DNAI1: variants seen among roughly 807,000 people sequenced by gnomAD.
The protein encoded by DNAI1 is dynein axonemal intermediate chain 1, also known as dynein, axonemal, intermediate polypeptide 1.
A neutral mutation model predicts 92.0 loss-of-function variants in DNAI1; 67 were observed. That is an observed-to-expected ratio of 0.73 (90% CI 0.60 to 0.89). The LOEUF (loss-of-function observed/expected upper bound fraction) is 0.89. Ranked by LOEUF, DNAI1 falls within the 40% of genes least tolerant of loss-of-function variation. The pLI is 0.00. For missense variants in DNAI1, 839 were observed against 866.6 expected (o/e 0.97, Z 0.40); for synonymous variants, 323 against 319.6 (o/e 1.01, Z -0.11).
intron 12 of DNAI1, among the ~76,000 whole-genome samples, chr9:34,505,907 T>C (rs1824917780): frequency 6.6e-6 from 1 of 152,192 alleles, no homozygotes; most frequent in Admixed American, 6.5e-5. Flanking sequence ...TGTTCATGAC[T>C]ACATATCAGG....
At chr9:34,497,019 C>A in intron 9 of DNAI1, 96 bp from the exon 10 acceptor site, 1 of 925,414 alleles carries the variant, frequency 1.1e-6, no homozygotes, top group Non-Finnish European at 1.8e-6. Flanking sequence ...TGCCAGAGAG[C>A]TACTGCTGAA....
intron 1 of DNAI1, 89 bp downstream of exon 1, chr9:34,459,142 C>T: frequency 7.7e-7 from 1 of 1,298,838 alleles, no homozygotes. Context: ...GATCCTTGAT[C>T]TTTTCTCTGT....
At chr9:34,491,385 C>T in intron 7 of DNAI1, 110 bp from the exon 8 acceptor site, 1 of 1,153,086 alleles carries the variant, frequency 8.7e-7, no homozygotes, top group South Asian at 1.3e-5. Flanking sequence ...GCTCTGTGTC[C>T]CAAACCTCCA....
At chr9:34,468,289 C>T (rs1824074319) in intron 1 of DNAI1, among the ~76,000 whole-genome samples, 1 of 151,738 alleles carries the variant, frequency 6.6e-6, no homozygotes, top group Non-Finnish European at 1.5e-5. Context: ...TCACGCCATT[C>T]TCCTGCCTCA....
intron 18 of DNAI1, among the ~76,000 whole-genome samples, chr9:34,516,216 G>A (rs1825168596): frequency 6.6e-6 from 1 of 152,198 alleles, no homozygotes; most frequent in Admixed American, 6.5e-5. Flanking sequence ...GGCAAGTGTG[G>A]TTGGGGTAGA....
chr9:34,488,347 A>C (rs1453601611), intron 4 of DNAI1: 1 of 156,186 alleles, frequency 6.4e-6, no homozygotes, highest in Non-Finnish European at 1.4e-5. Flanking sequence ...CTTCCCATAC[A>C]TCTGAGTTAC....
chr9:34,496,055 G>C (rs1036381234), intron 9 of DNAI1, among the ~76,000 whole-genome samples: 1 of 152,098 alleles, frequency 6.6e-6, no homozygotes, highest in Non-Finnish European at 1.5e-5. Flanking sequence ...TCACCACCGG[G>C]AACTGGGTTA....
chr9:34,463,203 C>T (rs184312311), intron 1 of DNAI1, among the ~76,000 whole-genome samples: 53 of 152,126 alleles, frequency 3.5e-4, no homozygotes, highest in African/African-American at 1.2e-3. Flanking sequence ...TCCAGACAGA[C>T]GGCATAGCAA....
chr9:34,469,870 G>A (rs543464984), intron 1 of DNAI1, among the ~76,000 whole-genome samples: 1 of 152,252 alleles, frequency 6.6e-6, no homozygotes, highest in Non-Finnish European at 1.5e-5. Flanking sequence ...GTGAGCCACT[G>A]CGCCCAGCCC....
At chr9:34,498,647 T>A (rs1011552590) in intron 10 of DNAI1, among the ~76,000 whole-genome samples, 4 of 152,358 alleles carry the variant, frequency 2.6e-5, no homozygotes, top group Admixed American at 1.3e-4. Context: ...CATTCCCAAG[T>A]GGCTTGTATT....
At chr9:34,508,671 G>A (rs1824990670) in intron 13 of DNAI1, among the ~76,000 whole-genome samples, 2 of 152,116 alleles carry the variant, frequency 1.3e-5, no homozygotes, top group African/African-American at 4.8e-5. Flanking sequence ...CCAAGCAGAA[G>A]GGCAGAGGCC....
intron 13 of DNAI1, among the ~76,000 whole-genome samples, chr9:34,510,222 G>A (rs1708653196): frequency 6.6e-6 from 1 of 152,234 alleles, no homozygotes. Flanking sequence ...GCCAAGGAGA[G>A]GACTGTCTGT....
intron 6 of DNAI1, 21 bp from the exon 7 acceptor site, chr9:34,490,348 C>G (rs1161077333): frequency 2.5e-6 from 4 of 1,614,176 alleles, no homozygotes; most frequent in Middle Eastern, 1.6e-4. Flanking sequence ...GATTCCTGAT[C>G]CTCTGGGTCT....
chr9:34,489,379 G>A lies in DNAI1; in HGVS notation c.318G>A (p.Gln106=). The A allele has an allele frequency of 6.2e-7, 1 of 1,614,060 alleles. No homozygotes were observed. The highest frequency in any genetic ancestry group is 8.5e-7 in the Non-Finnish European group (1 of 1,179,956). The change falls in exon 5 of 20, where the codon CAG becomes CAA. Residue 106 remains glutamine, a synonymous_variant. Transcript: ENST00000242317. ...FVNQLAVHYT[Q]VGNLIPKDSD... ...ACCAACTGGCAGTTCACTACACCCA[G>A]GTTGGGAACCTGATCCCCAAAGACT... is the stretch of plus-strand genomic sequence containing the variant.
Position 34,501,156 on chromosome 9 carries a change from T to G in DNAI1, c.1038T>G (p.Asp346Glu). ...TALCWNPKYR[D>E]LFAVGYGSYD... Reference sequence around the variant, plus strand: ...TTTGCAGGAATCCAAAGTACAGGGATCTGTTTGCAGTGGGATATGGCTCTT... The same window carrying G: ...TTTGCAGGAATCCAAAGTACAGGGAGCTGTTTGCAGTGGGATATGGCTCTT... Residue 346 changes from aspartate to glutamate, a missense_variant, in exon 12 of 20, where the codon GAT becomes GAG. Coordinates refer to ENST00000242317, the MANE Select transcript of DNAI1 (RefSeq NM_012144.4). 6.2e-7 allele frequency: 1 copy of G among 1,613,842 alleles called. No individual in the cohort carries two copies. The highest frequency in any genetic ancestry group is 8.5e-7 in the Non-Finnish European group (1 of 1,179,692).
chr9:34,508,979 C>T (rs1334593690), intron 13 of DNAI1, among the ~76,000 whole-genome samples: 1 of 152,204 alleles, frequency 6.6e-6, no homozygotes, highest in Non-Finnish European at 1.5e-5. Flanking sequence ...TCTTCTCATT[C>T]CTTCCTCCCT....
intron 1 of DNAI1, among the ~76,000 whole-genome samples, chr9:34,475,468 C>T (rs922234258): frequency 6.6e-6 from 1 of 152,146 alleles, no homozygotes; most frequent in Non-Finnish European, 1.5e-5. Flanking sequence ...TCCTAGAAGG[C>T]AAAGGGCCAC....
intron 13 of DNAI1, among the ~76,000 whole-genome samples, 168 bp downstream of exon 13, chr9:34,507,042 A>C (rs1432877845): frequency 6.6e-6 from 1 of 152,240 alleles, no homozygotes; most frequent in Admixed American, 6.5e-5. Flanking sequence ...GGTGAAAATC[A>C]GGAGGCAAGA....
chr9:34,520,863 C>A lies in DNAI1; in HGVS notation c.*107C>A. On this transcript the variant is annotated 3_prime_UTR_variant, in exon 20 of 20. Coordinates refer to ENST00000242317, the MANE Select transcript of DNAI1 (RefSeq NM_012144.4). The stretch of plus-strand genomic sequence containing the variant: ...CCCAGCATGTGACCCCACTCCTGAT[C>A]AGGTCCCAGCATCTTCCCTTCTTGT... The A allele has an allele frequency of 1.9e-6, 2 of 1,045,376 alleles. No homozygotes were observed. The highest frequency in any genetic ancestry group is 2.9e-6 in the Non-Finnish European group (2 of 688,030). 64.8% of individuals were successfully genotyped at this position (1,045,376 alleles called of 1,614,324 possible). A position where few individuals can be genotyped will look rare whatever the true frequency, so the allele number is the denominator to read the frequency against.
Sources: allele counts gnomAD v4.1 joint callset (sites outside exome capture counted in the v4.1 genomes callset), GRCh38; gene constraint gnomAD v4.1.1; transcripts MANE v1.5; gene names NCBI Gene and HGNC (gene_info 2026-07-23, HGNC 2026-07-21).